Variants in ADGRD1 observed in about 807,000 individuals in gnomAD.
ADGRD1 encodes G-protein coupled receptor 133.
Under a neutral mutation model 113.4 loss-of-function variants are expected in ADGRD1, and 77 were observed. That is an observed-to-expected ratio of 0.68 (90% CI 0.57 to 0.82). The LOEUF (loss-of-function observed/expected upper bound fraction) is 0.82, where lower values mean the gene tolerates loss of function less well. Among genes scored for constraint, ADGRD1 ranks in the 40% least tolerant of loss-of-function variants. ADGRD1 has a pLI of 0.00. For synonymous variants in ADGRD1, 474 were observed against 475.0 expected (o/e 1.00, Z 0.03); for missense variants, 1,036 against 1,139.1 (o/e 0.91, Z 1.30).
chr12:131,091,471 A>C (rs1409458458), intron 15 of ADGRD1, among the ~76,000 whole-genome samples: 1 of 152,246 alleles, frequency 6.6e-6, no homozygotes, highest in Non-Finnish European at 1.5e-5. Flanking sequence ...GTAACTGTGA[A>C]AGAATGGGGT....
intron 13 of ADGRD1, chr12:131,035,333 C>A (rs1881260296): frequency 6.6e-6 from 1 of 152,402 alleles, no homozygotes. Context: ...GTGGTGTGCG[C>A]CATGCGTTGT....
intron 2 of ADGRD1, among the ~76,000 whole-genome samples, chr12:130,963,193 G>A (rs1465347420): frequency 2.0e-5 from 3 of 151,804 alleles, no homozygotes; most frequent in Non-Finnish European, 4.4e-5. Context: ...GGTGGCGGGC[G>A]CCTGTAGTCC....
chr12:131,136,204 C>T (rs1951081215), intron 22 of ADGRD1, 41 bp downstream of exon 22: 1 of 1,607,788 alleles, frequency 6.2e-7, no homozygotes, highest in Non-Finnish European at 8.5e-7. Context: ...GGGCCGCCAG[C>T]CATCAGGAGC....
At chr12:130,986,337 T>C (rs193244226) in intron 5 of ADGRD1, among the ~76,000 whole-genome samples, 34 of 152,330 alleles carry the variant, frequency 2.2e-4, no homozygotes, top group South Asian at 4.1e-4. Flanking sequence ...ATCAGAGTTA[T>C]ATAGTTTTCT....
At chr12:131,001,061 C>T (rs11061276) in intron 9 of ADGRD1, among the ~76,000 whole-genome samples, 3,128 of 152,210 alleles carry the variant, frequency 0.021, 102 homozygotes, top group African/African-American at 0.071. Context: ...TTGGTTCATC[C>T]TGGTCATTTC....
rs975856156 is a variant in ADGRD1, at chr12:130,987,239, C to G, written c.635C>G (p.Ser212Cys). 15 of 1,614,234 alleles carry G rather than the reference C, an allele frequency of 9.3e-6. No individual in the cohort carries two copies. The highest frequency in any genetic ancestry group is 7.6e-6 in the Non-Finnish European group (9 of 1,180,034). Residue 212 changes from serine to cysteine, a missense_variant, in exon 6 of 25, where the codon TCT becomes TGT. Physicochemically the swap from Ser to Cys is moderately radical, Grantham distance 112. Coordinates refer to ENST00000261654, the MANE Select transcript of ADGRD1 (RefSeq NM_198827.5). ...TCCAACGTCAACCTCGTGATAGGGT[C>G]TGAGCAGGACCAGGCCAAGTGTTAT... ...GESNVNLVIG[S>C]EQDQAKCYEN... is the part of the protein sequence containing the mutation.
Position 131,084,640 on chromosome 12 carries a change from C to A in ADGRD1, c.1648C>A (p.Leu550Ile). ...RCTHLTNFAI[L>I]MQVVPLELAR... ...CACTCACCTCACCAACTTTGCCATC[C>A]TCATGCAGGTGGTCCCGCTGGAGGT... Residue 550 changes from leucine to isoleucine, a missense_variant, in exon 15 of 25, where the codon CTC becomes ATC. Coordinates refer to ENST00000261654, the MANE Select transcript of ADGRD1 (RefSeq NM_198827.5). The surrounding 1 kb of genome is among the most constrained non-coding windows in gnomAD (Gnocchi z 4.5). 1 of 1,614,162 alleles carries A rather than the reference C, an allele frequency of 6.2e-7. No homozygotes were observed. Among genetic ancestry groups the A allele is most frequent in the Admixed American group, 1.7e-5 (1 of 60,024 alleles).
intron 15 of ADGRD1, among the ~76,000 whole-genome samples, chr12:131,086,204 C>T (rs543728240): frequency 5.3e-5 from 8 of 152,318 alleles, no homozygotes; most frequent in South Asian, 4.1e-4. Flanking sequence ...TGCTGCCCCG[C>T]GTGTCCTGCG....
At chr12:131,004,392 G>GCTGCGGTACTCCCCCGGGCCGC in intron 11 of ADGRD1, 96 bp downstream of exon 11, 1 of 790,718 alleles carries the variant, frequency 1.3e-6, no homozygotes, top group Non-Finnish European at 2.1e-6. Flanking sequence ...GCGCCAGGGA[G>GCTGCGGTACTCCCCCGGGCCGC]CTGCGGTGCT....
chr12:131,032,167 C>T lies in ADGRD1; in HGVS notation c.1473+17827C>T, dbSNP rs180732935. 7.3e-3 allele frequency among the ~76,000 whole-genome samples: 1,087 copies of T among 149,390 alleles called. 10 individuals are homozygous for T. The highest frequency in any genetic ancestry group is 0.025 in the African/African-American group (1,047 of 41,462). Reference sequence around the variant, plus strand: ...CCCCCGCAAGGGGCACACAGGGCTCCCCCAGGCTCTACTGAAGCCCTCTCC... The same window carrying T: ...CCCCCGCAAGGGGCACACAGGGCTCTCCCAGGCTCTACTGAAGCCCTCTCC... On this transcript the variant is annotated intron_variant, in intron 13 of 24. Transcript: ENST00000261654.
chr12:131,054,114 A>G (rs1430246537), intron 13 of ADGRD1, among the ~76,000 whole-genome samples: 1 of 152,232 alleles, frequency 6.6e-6, no homozygotes, highest in Non-Finnish European at 1.5e-5. Flanking sequence ...AACAATAAAA[A>G]AAACAAAAAC....
chr12:130,968,091 T>C (rs1871215866), intron 3 of ADGRD1: 1 of 152,252 alleles, frequency 6.6e-6, no homozygotes, highest in African/African-American at 2.4e-5. Context: ...AGGAGTTTTT[T>C]CAAACAAAAG....
chr12:131,114,039 G>A (rs4586211), intron 18 of ADGRD1, among the ~76,000 whole-genome samples: 32,970 of 152,172 alleles, frequency 0.22, 4,334 homozygotes, highest in African/African-American at 0.35. Context: ...CCACAGAAAA[G>A]ACAGCTGGGT....
chr12:131,113,367 G>A lies in ADGRD1; in HGVS notation c.2041+4490G>A, dbSNP rs1950387609. ...TCCCCAGTGATGTGGCTTCTTTGCT[G>A]AGCTTTGCCCTTGCCCATCCCAAGG... On this transcript the variant is annotated intron_variant, in intron 18 of 24. Transcript: ENST00000261654. The surrounding 1 kb of genome is among the most constrained non-coding windows in gnomAD (Gnocchi z 4.9). 6.6e-6 allele frequency among the ~76,000 whole-genome samples: 1 copy of A among 152,048 alleles called. No individual in the cohort carries two copies. The highest frequency in any genetic ancestry group is 1.9e-4 in the East Asian group (1 of 5,180).
At chr12:130,981,855 T>C in intron 4 of ADGRD1, 29 bp from the exon 5 acceptor site, 1 of 1,555,006 alleles carries the variant, frequency 6.4e-7, no homozygotes, top group South Asian at 1.1e-5. Context: ...CTGCTCTCTG[T>C]GAATAACTGA....
intron 15 of ADGRD1, 96 bp from the exon 16 acceptor site, chr12:131,104,733 CAG>C (rs1950190475): frequency 1.4e-6 from 1 of 726,730 alleles, no homozygotes; most frequent in East Asian, 2.8e-5. Context: ...ACCACACTCA[CAG>C]GGGACCAGCT....
chr12:131,139,385 C>T lies in ADGRD1; in HGVS notation c.*122C>T. ...GCTGTCTGGACATGGGTGTTGTGGC[C>T]CCGAGACAGCTGTCCTCCCCTGTGA... On this transcript the variant is annotated 3_prime_UTR_variant, in exon 25 of 25. Transcript: ENST00000261654. 2.9e-6 allele frequency: 2 copies of T among 683,134 alleles called. No homozygotes were observed. Among genetic ancestry groups the T allele is most frequent in the Non-Finnish European group, 5.1e-6 (2 of 391,484 alleles). 42.3% of individuals were successfully genotyped at this position (683,134 alleles called of 1,614,324 possible).
chr12:131,136,423 A>T (rs1951087600), intron 22 of ADGRD1, among the ~76,000 whole-genome samples: 2 of 152,208 alleles, frequency 1.3e-5, no homozygotes, highest in Admixed American at 1.3e-4. Context: ...GGAGGACAGT[A>T]AGACAGTCTG....
intron 13 of ADGRD1, among the ~76,000 whole-genome samples, chr12:131,021,237 A>G (rs1379088528): frequency 6.6e-6 from 1 of 152,144 alleles, no homozygotes; most frequent in South Asian, 2.1e-4. Context: ...CGTTTTTTGA[A>G]TGGTGTCAGT....
Sources: allele counts gnomAD v4.1 joint callset (sites outside exome capture counted in the v4.1 genomes callset), GRCh38; gene constraint gnomAD v4.1.1; non-coding constraint Gnocchi (gnomAD v3.1); transcripts MANE v1.5; gene names NCBI Gene and HGNC (gene_info 2026-07-23, HGNC 2026-07-21).